NRXN1: variants seen among roughly 807,000 people sequenced by gnomAD.
NRXN1 encodes the protein neurexin 1, also known as neurexin-1.
In NRXN1, 39 loss-of-function variants were observed where a neutral mutation model predicts 150.9. The observed-to-expected ratio is 0.26, with a 90% CI of 0.20 to 0.34. The LOEUF is 0.34. Ranked by LOEUF, NRXN1 falls within the 10% of genes least tolerant of loss-of-function variation. The pLI is 1.00. For synonymous variants in NRXN1, 924 were observed against 757.0 expected (o/e 1.22, Z -3.62); for missense variants, 1,815 against 1,949.9 (o/e 0.93, Z 1.30).
chr2:50,427,974 A>C (rs1029299463), intron 17 of NRXN1, among the ~76,000 whole-genome samples: 1 of 152,196 alleles, frequency 6.6e-6, no homozygotes, highest in Non-Finnish European at 1.5e-5. Context: ...CGAACAGAAG[A>C]ATTAGAAATA....
At chr2:50,707,509 C>CT (rs1460864407) in intron 5 of NRXN1, among the ~76,000 whole-genome samples, 4 of 152,088 alleles carry the variant, frequency 2.6e-5, no homozygotes, top group African/African-American at 9.7e-5. Context: ...GTACTTTCAG[C>CT]TTTTTTGTGA....
Position 49,926,999 on chromosome 2 carries a change from T to C in NRXN1, c.4217-4748A>G, listed in dbSNP as rs114895249. Among the ~76,000 whole-genome samples, 1,503 of 152,304 alleles carry C rather than the reference T, an allele frequency of 9.9e-3. 25 individuals are homozygous for C. The highest frequency in any genetic ancestry group is 0.034 in the African/African-American group (1,421 of 41,574). On this transcript the variant is annotated intron_variant, in intron 22 of 22. Transcript: ENST00000401669. Reference sequence around the variant, plus strand: ...TCTTTATTGCCTCTGTGCCTTGCTCTTCCAGCTCCTGAATTATCCTTGTAG... The same window carrying C: ...TCTTTATTGCCTCTGTGCCTTGCTCCTCCAGCTCCTGAATTATCCTTGTAG...
At chr2:50,069,248 C>G (rs1208004458) in intron 19 of NRXN1, among the ~76,000 whole-genome samples, 1 of 152,160 alleles carries the variant, frequency 6.6e-6, no homozygotes. Context: ...CAATAATGCT[C>G]CTGGCAAAGA....
At chr2:50,011,438 G>T (rs1395189786) in intron 21 of NRXN1, among the ~76,000 whole-genome samples, 4 of 152,096 alleles carry the variant, frequency 2.6e-5, no homozygotes, top group Non-Finnish European at 5.9e-5. Context: ...CATAGATTAT[G>T]ATTGACTTTT....
At chr2:50,517,582 A>T (rs2092666035) in intron 12 of NRXN1, among the ~76,000 whole-genome samples, 1 of 152,166 alleles carries the variant, frequency 6.6e-6, no homozygotes, top group Non-Finnish European at 1.5e-5. Context: ...TAACCCCTAC[A>T]GTTGGAGAAC....
chr2:50,235,273 C>G (rs1416642121), intron 18 of NRXN1, among the ~76,000 whole-genome samples: 1 of 152,068 alleles, frequency 6.6e-6, no homozygotes, highest in African/African-American at 2.4e-5. Flanking sequence ...TTTATCTTAA[C>G]TGATCATTTA....
intron 5 of NRXN1, among the ~76,000 whole-genome samples, chr2:50,733,248 T>C (rs860862): frequency 0.41 from 61,846 of 151,966 alleles, 12,889 homozygotes; most frequent in African/African-American, 0.51. Context: ...AGTACACTTA[T>C]AGAAAAATTA....
chr2:50,480,251 T>A (rs1406584200), intron 15 of NRXN1, among the ~76,000 whole-genome samples: 1 of 152,170 alleles, frequency 6.6e-6, no homozygotes, highest in East Asian at 1.9e-4. Context: ...AAGATAGAGG[T>A]GTAGAAACAG....
At chr2:50,217,534 A>C (rs1457125726) in intron 18 of NRXN1, among the ~76,000 whole-genome samples, 3 of 151,938 alleles carry the variant, frequency 2.0e-5, no homozygotes, top group Non-Finnish European at 1.5e-5. Context: ...AGTTTTTTTT[A>C]AACCCTATAA....
chr2:50,035,073 T>A (rs1689821656), intron 21 of NRXN1, among the ~76,000 whole-genome samples: 1 of 152,138 alleles, frequency 6.6e-6, no homozygotes, highest in African/African-American at 2.4e-5. Context: ...AATGCTAAAA[T>A]GAGCACATTC....
intron 18 of NRXN1, among the ~76,000 whole-genome samples, chr2:50,209,320 C>T (rs765820508): frequency 2.0e-5 from 3 of 152,100 alleles, no homozygotes; most frequent in Non-Finnish European, 2.9e-5. Flanking sequence ...GAGTCTAATT[C>T]AAGGCATTAA....
intron 2 of NRXN1, among the ~76,000 whole-genome samples, chr2:51,011,321 C>T (rs1475507249): frequency 6.6e-6 from 1 of 151,916 alleles, no homozygotes; most frequent in African/African-American, 2.4e-5. Context: ...TCTGGTAGCT[C>T]TTACGTATAT....
At chr2:50,582,765 A>G (rs17040864) in intron 8 of NRXN1, among the ~76,000 whole-genome samples, 1,933 of 152,172 alleles carry the variant, frequency 0.013, 36 homozygotes, top group African/African-American at 0.044. Flanking sequence ...CAAAATATTA[A>G]AACAGCTTTG....
intron 21 of NRXN1, among the ~76,000 whole-genome samples, chr2:49,978,688 T>G (rs562811873): frequency 1.7e-5 from 2 of 115,500 alleles, no homozygotes; most frequent in African/African-American, 3.4e-5. Context: ...GAGAGAGAGA[T>G]AGCCATAAAA....
intron 5 of NRXN1, among the ~76,000 whole-genome samples, chr2:50,821,249 A>G: frequency 6.6e-6 from 1 of 152,182 alleles, no homozygotes; most frequent in South Asian, 2.1e-4. Context: ...AGCCCAACAC[A>G]AATTCTTAAA....
At chr2:50,627,843 C>G (rs764670971) in intron 5 of NRXN1, among the ~76,000 whole-genome samples, 3 of 151,638 alleles carry the variant, frequency 2.0e-5, no homozygotes, top group Non-Finnish European at 3.0e-5. Flanking sequence ...AGGATTCAGA[C>G]TACTAATCCA....
At chr2:50,330,132 T>C (rs2076741511) in intron 17 of NRXN1, among the ~76,000 whole-genome samples, 1 of 152,106 alleles carries the variant, frequency 6.6e-6, no homozygotes, top group South Asian at 2.1e-4. Flanking sequence ...CATATTAGTT[T>C]TTTTAAAAAG....
chr2:50,107,256 T>C (rs1363174188), intron 18 of NRXN1, among the ~76,000 whole-genome samples: 1 of 17,828 alleles, frequency 5.6e-5, no homozygotes, highest in Non-Finnish European at 8.6e-5. Flanking sequence ...TTCTGATACA[T>C]TAAAAAAAAA....
intron 5 of NRXN1, among the ~76,000 whole-genome samples, chr2:50,666,765 G>A (rs1171880186): frequency 2.0e-5 from 3 of 151,860 alleles, no homozygotes; most frequent in East Asian, 2.0e-4. Flanking sequence ...CAATATTTTA[G>A]AACTACTAAC....
Sources: allele counts gnomAD v4.1 joint callset (sites outside exome capture counted in the v4.1 genomes callset), GRCh38; gene constraint gnomAD v4.1.1; transcripts MANE v1.5; gene names NCBI Gene and HGNC (gene_info 2026-07-23, HGNC 2026-07-21).